Variants in UGT1A5 observed in about 807,000 individuals in gnomAD.
UGT1A5 encodes the protein UDP-glucuronosyltransferase 1A5.
Under a neutral mutation model 40.3 loss-of-function variants are expected in UGT1A5, and 29 were observed. The ratio of observed to expected loss-of-function variants is 0.72; its 90% CI spans 0.54 to 0.98. UGT1A5 has a LOEUF of 0.98. UGT1A5 is among the 50% of genes least tolerant of loss of function. UGT1A5 has a pLI of 0.00. For synonymous variants in UGT1A5, 257 were observed against 262.5 expected, an observed-to-expected ratio of 0.98 and a Z score of 0.20; for missense variants, 678 against 677.9, an observed-to-expected ratio of 1.00 and a Z score of 0.00.
In UGT1A5 at chr2:233,750,001, G is replaced by A. The variant is rs1213744454; in HGVS notation, c.868-17033G>A. On this transcript the variant is annotated intron_variant, in intron 1 of 4. Coordinates refer to ENST00000373414, the MANE Select transcript of UGT1A5 (RefSeq NM_019078.2). ...TGAGAATGGACTAATATATTAAATTGGTGCCATGGAGAGTGGAGTACTGCT... is the reference window on the plus strand; with the variant it reads ...TGAGAATGGACTAATATATTAAATTAGTGCCATGGAGAGTGGAGTACTGCT... Among the ~76,000 whole-genome samples the A allele has an allele frequency of 7.9e-5, 12 of 151,794 alleles. 1 individual carries two copies. Among genetic ancestry groups the A allele is most frequent in the African/African-American group, 2.7e-4 (11 of 41,062 alleles).
intron 1 of UGT1A5, chr2:233,730,138 A>G (rs1337781035): frequency 1.2e-5 from 19 of 1,525,120 alleles, no homozygotes; most frequent in African/African-American, 8.3e-5. Flanking sequence ...CTTCAGTGAG[A>G]TAAACTGTTA....
intron 1 of UGT1A5, chr2:233,718,851 CG>C: frequency 6.2e-7 from 1 of 1,613,708 alleles, no homozygotes; most frequent in South Asian, 1.1e-5. Context: ...TCCCCTGCCG[CG>C]GCTGGCCACA....
At position 233,727,644 on chromosome 2, in the gene UGT1A5, C is replaced by A. The variant is rs139554548; in HGVS notation, c.867+13786C>A. Among the ~76,000 whole-genome samples the A allele has an allele frequency of 3.5e-3, 526 of 152,272 alleles. 4 individuals are homozygous for A. The highest frequency in any genetic ancestry group is 0.012 in the African/African-American group (505 of 41,558). Reference sequence around the variant, plus strand: ...AGAGGTTGCACCCACAGCTGAGAATCCCTTTCTAGTGCTCTATGTCCTTAC... The same window carrying A: ...AGAGGTTGCACCCACAGCTGAGAATACCTTTCTAGTGCTCTATGTCCTTAC... On this transcript the variant is annotated intron_variant, in intron 1 of 4. Transcript: ENST00000373414.
At chr2:233,717,510 G>C (rs1057270188) in intron 1 of UGT1A5, among the ~76,000 whole-genome samples, 15 of 152,198 alleles carry the variant, frequency 9.9e-5, no homozygotes, top group African/African-American at 3.6e-4. Flanking sequence ...ATTTCTAATG[G>C]GAGTAACTTC....
At chr2:233,729,301 G>A (rs2077833775) in intron 1 of UGT1A5, 3 of 1,614,148 alleles carry the variant, frequency 1.9e-6, no homozygotes, top group East Asian at 2.2e-5. Flanking sequence ...CCACCAGGCA[G>A]TGGTCCTCAC....
At chr2:233,763,966 T>C (rs189385598) in intron 1 of UGT1A5, among the ~76,000 whole-genome samples, 68 of 152,296 alleles carry the variant, frequency 4.5e-4, no homozygotes, top group Admixed American at 7.2e-4. Flanking sequence ...GGTTGAGATA[T>C]ATGTGGGTTA....
chr2:233,713,542 G>A lies in UGT1A5; in HGVS notation c.551G>A (p.Gly184Asp), dbSNP rs2076328478. 1.9e-6 allele frequency: 3 copies of A among 1,613,882 alleles called. No individual in the cohort carries two copies. The highest frequency in any genetic ancestry group is 2.7e-5 in the African/African-American group (2 of 75,002). Reference protein sequence around the residue: ...RNIPCDLDFKGTQCPNPSSYI... With the variant: ...RNIPCDLDFKDTQCPNPSSYI... ...ATTCCATGTGATTTAGACTTTAAGG[G>A]CACACAGTGTCCAAACCCTTCCTCC... Residue 184 changes from glycine (G) to aspartate (D), a missense_variant, in exon 1 of 5, where the codon GGC becomes GAC. Gly to Asp is a moderately conservative substitution (Grantham distance 94). Transcript: ENST00000373414.
chr2:233,758,976 C>A (rs1219647743), intron 1 of UGT1A5, among the ~76,000 whole-genome samples: 1 of 152,198 alleles, frequency 6.6e-6, no homozygotes, highest in Non-Finnish European at 1.5e-5. Flanking sequence ...TCCCCTGGAT[C>A]TTGGGCCAGT....
At chr2:233,764,490 G>A (rs1698574986) in intron 1 of UGT1A5, among the ~76,000 whole-genome samples, 2 of 152,164 alleles carry the variant, frequency 1.3e-5, no homozygotes, top group South Asian at 4.1e-4. Flanking sequence ...AATGTTTATG[G>A]ACCTGTGGGT....
At chr2:233,759,064 G>A (rs1398718835) in intron 1 of UGT1A5, among the ~76,000 whole-genome samples, 2 of 152,146 alleles carry the variant, frequency 1.3e-5, no homozygotes, top group Non-Finnish European at 2.9e-5. Flanking sequence ...CTCTGAAAAG[G>A]AATTTGGAAG....
chr2:233,724,527 T>C (rs2077276576), intron 1 of UGT1A5, among the ~76,000 whole-genome samples: 1 of 105,076 alleles, frequency 9.5e-6, no homozygotes, highest in Non-Finnish European at 1.9e-5. Flanking sequence ...AGATGGGGTC[T>C]CGCCGGGCAG....
At chr2:233,722,989 C>T (rs1375139966) in intron 1 of UGT1A5, among the ~76,000 whole-genome samples, 3 of 146,558 alleles carry the variant, frequency 2.0e-5, no homozygotes, top group South Asian at 2.4e-4. Flanking sequence ...GCTGTCTCAG[C>T]GTGGCAGAGG....
At chr2:233,717,191 C>T (rs1575515961) in intron 1 of UGT1A5, among the ~76,000 whole-genome samples, 1 of 152,208 alleles carries the variant, frequency 6.6e-6, no homozygotes, top group Non-Finnish European at 1.5e-5. Context: ...CCCTCCCAGG[C>T]ATGTTCCACC....
intron 1 of UGT1A5, among the ~76,000 whole-genome samples, chr2:233,724,351 C>G: frequency 6.8e-6 from 1 of 147,806 alleles, no homozygotes; most frequent in African/African-American, 2.5e-5. Context: ...CCCCCCCCAC[C>G]TCCCTCCCGG....
chr2:233,745,503 T>C (rs1023645979), intron 1 of UGT1A5, among the ~76,000 whole-genome samples: 6 of 151,616 alleles, frequency 4.0e-5, no homozygotes, highest in Admixed American at 6.6e-5. Flanking sequence ...AGATTTCCTA[T>C]AGGGTATTAG....
Position 233,757,121 on chromosome 2 carries a change from A to G in UGT1A5, c.868-9913A>G, listed in dbSNP as rs559239929. 1.1e-4 allele frequency among the ~76,000 whole-genome samples: 17 copies of G among 151,382 alleles called. No homozygotes were observed. The South Asian group carries it at 3.4e-3, about 30-fold the overall frequency. ...GAGGGGGCAAGCAGAAGGGCTAGAG[A>G]GGAGGAATGAGCTTGGACAGGTGGG... On this transcript the variant is annotated intron_variant, in intron 1 of 4. Coordinates refer to ENST00000373414, the MANE Select transcript of UGT1A5 (RefSeq NM_019078.2).
In UGT1A5 at chr2:233,768,342, C is replaced by G; in HGVS notation, c.1210C>G (p.Arg404Gly). Residue 404 changes from arginine (R) to glycine (G), a missense_variant, in exon 4 of 5, where the codon CGC becomes GGC. Physicochemically the swap from Arg to Gly is moderately radical, Grantham distance 125. Transcript: ENST00000373414. ...TGGTGATCAGATGGACAATGCAAAG[C>G]GCATGGAGACTAAGGGAGCTGGAGT... ...LFGDQMDNAK[R>G]METKGAGVTL... 6.2e-7 allele frequency: 1 copy of G among 1,614,092 alleles called. No homozygotes were observed. Among genetic ancestry groups the G allele is most frequent in the South Asian group, 1.1e-5 (1 of 91,066 alleles).
At chr2:233,715,166 G>T (rs568439911) in intron 1 of UGT1A5, among the ~76,000 whole-genome samples, 1 of 152,228 alleles carries the variant, frequency 6.6e-6, no homozygotes, top group African/African-American at 2.4e-5. Context: ...AATTACAGGC[G>T]CGAGCCACCA....
chr2:233,719,070 T>C lies in UGT1A5; in HGVS notation c.867+5212T>C, dbSNP rs144655870. On this transcript the variant is annotated intron_variant, in intron 1 of 4. Coordinates refer to ENST00000373414, the MANE Select transcript of UGT1A5 (RefSeq NM_019078.2). The stretch of plus-strand genomic sequence containing the variant: ...CACCCTGACAGCCTATGCTGTTCCA[T>C]GGACCCAGAAGGAATTTGATCGCGT... The C allele has an allele frequency of 4.3e-6, 7 of 1,614,166 alleles. No individual in the cohort carries two copies. In the African/African-American group the frequency reaches 6.7e-5, roughly 15 times the overall value.
Sources: allele counts gnomAD v4.1 joint callset (sites outside exome capture counted in the v4.1 genomes callset), GRCh38; gene constraint gnomAD v4.1.1; transcripts MANE v1.5; gene names NCBI Gene and HGNC (gene_info 2026-07-23, HGNC 2026-07-21).